ATP7B: variants seen among roughly 807,000 people sequenced by gnomAD.
The protein encoded by ATP7B is ATPase copper transporting beta.
ATP7B carries 113 observed loss-of-function variants against 118.9 expected under a neutral mutation model. The ratio of observed to expected loss-of-function variants is 0.95; its 90% CI spans 0.82 to 1.11. The LOEUF is 1.11. Ranked by LOEUF, ATP7B falls within the 50% of genes most tolerant of loss-of-function variation. ATP7B has a pLI of 0.00. For missense variants in ATP7B, 1,867 were observed against 1,871.4 expected (o/e 1.00, Z 0.04); for synonymous variants, 777 against 727.4 (o/e 1.07, Z -1.10).
chr13:51,936,742 G>A (rs1956989268), intron 19 of ATP7B, among the ~76,000 whole-genome samples: 2 of 152,100 alleles, frequency 1.3e-5, no homozygotes, highest in Non-Finnish European at 2.9e-5. Flanking sequence ...GCCCAGGTGA[G>A]TCTTGAACCC....
At chr13:51,944,052 G>A in intron 14 of ATP7B, 57 bp downstream of exon 14, 1 of 1,606,426 alleles carries the variant, frequency 6.2e-7, no homozygotes, top group Non-Finnish European at 8.5e-7. Context: ...AGAAGGACAT[G>A]GTGAGGAATA....
chr13:51,945,895 T>C (rs1258530050), intron 13 of ATP7B, among the ~76,000 whole-genome samples: 1 of 152,076 alleles, frequency 6.6e-6, no homozygotes, highest in Non-Finnish European at 1.5e-5. Flanking sequence ...CCACCACTAA[T>C]CCCACAGATG....
In ATP7B at chr13:51,960,188, A is replaced by C; in HGVS notation, c.2081T>G (p.Ile694Ser). Residue 694 changes from isoleucine (I) to serine (S), a missense_variant, in exon 7 of 21, where the codon ATT (isoleucine) becomes AGT (serine). Physicochemically the swap from Ile to Ser is moderately radical, Grantham distance 142. Coordinates refer to ENST00000242839, the MANE Select transcript of ATP7B (RefSeq NM_000053.4). ...CAAGATAAAGAAGATGAGATTTAGA[A>C]TGGACAGTCCTGGAATGATGTTGTG... ...LDHNIIPGLSILNLIFFILCT... is the reference protein window; with the variant it reads ...LDHNIIPGLSSLNLIFFILCT... 1 of 1,613,968 alleles carries C rather than the reference A, an allele frequency of 6.2e-7. No homozygotes were observed. Among genetic ancestry groups the C allele is most frequent in the Non-Finnish European group, 8.5e-7 (1 of 1,179,834 alleles).
At chr13:51,949,445 T>A (rs1467667243) in intron 12 of ATP7B, among the ~76,000 whole-genome samples, 1 of 152,186 alleles carries the variant, frequency 6.6e-6, no homozygotes, top group Non-Finnish European at 1.5e-5. Flanking sequence ...GAAAATTATC[T>A]AAGTAGAATG....
At chr13:51,958,113 C>T in intron 8 of ATP7B, 198 bp downstream of exon 8, 1 of 638,308 alleles carries the variant, frequency 1.6e-6, no homozygotes, top group South Asian at 2.0e-5. Flanking sequence ...AATAATTAAC[C>T]AGATTAGCTG....
chr13:51,972,829 G>A (rs766714435), intron 2 of ATP7B, among the ~76,000 whole-genome samples: 18 of 151,882 alleles, frequency 1.2e-4, no homozygotes, highest in Admixed American at 2.6e-4. Context: ...GCAACACTCC[G>A]TCTCTACAAA....
chr13:51,958,065 T>C, intron 8 of ATP7B: 1 of 551,422 alleles, frequency 1.8e-6, no homozygotes, highest in Non-Finnish European at 3.2e-6. Context: ...GAAGGCCAGG[T>C]TTCTTTAGTT....
At chr13:51,990,188 C>T (rs954594258) in intron 1 of ATP7B, among the ~76,000 whole-genome samples, 19 of 151,870 alleles carry the variant, frequency 1.3e-4, no homozygotes, top group Admixed American at 1.2e-3. Flanking sequence ...TAAGGAAAAA[C>T]AGTTCTTAAC....
intron 19 of ATP7B, 81 bp downstream of exon 19, chr13:51,937,195 C>G: frequency 1.4e-6 from 2 of 1,391,858 alleles, no homozygotes; most frequent in Non-Finnish European, 2.0e-6. Flanking sequence ...GTGAGTGAGC[C>G]ACTCACTAAC....
At chr13:52,003,828 T>A (rs547001512) in intron 1 of ATP7B, among the ~76,000 whole-genome samples, 2 of 152,332 alleles carry the variant, frequency 1.3e-5, no homozygotes, top group Admixed American at 1.3e-4. Context: ...CACCAGAGCT[T>A]CCGAGAGAAG....
rs547050961 is a variant in ATP7B, at chr13:51,963,119, G to A, written c.1870-1206C>T. Reference sequence around the variant, plus strand: ...AAAAAAAAAAGAAAGAAAGAAATCAGAAATGGTGACTAAGTTGTGTTCAAA... The same window carrying A: ...AAAAAAAAAAGAAAGAAAGAAATCAAAAATGGTGACTAAGTTGTGTTCAAA... On this transcript the variant is annotated intron_variant, in intron 5 of 20. Transcript: ENST00000242839. 2.0e-5 allele frequency among the ~76,000 whole-genome samples: 3 copies of A among 151,938 alleles called. No individual in the cohort carries two copies. In the East Asian group the frequency reaches 5.8e-4, roughly 29 times the overall value.
intron 16 of ATP7B, among the ~76,000 whole-genome samples, chr13:51,939,733 G>C (rs778964043): frequency 2.0e-5 from 3 of 152,168 alleles, no homozygotes; most frequent in Non-Finnish European, 4.4e-5. Context: ...ACATACGAGA[G>C]GGCACGACTC....
intron 5 of ATP7B, among the ~76,000 whole-genome samples, chr13:51,963,437 T>C (rs1958879557): frequency 6.6e-6 from 1 of 151,902 alleles, no homozygotes; most frequent in African/African-American, 2.4e-5. Flanking sequence ...CATTTCCATG[T>C]CAAAAAGCTT....
At chr13:51,995,336 G>A (rs1330833706) in intron 1 of ATP7B, 1 of 985,230 alleles carries the variant, frequency 1.0e-6, no homozygotes, top group Non-Finnish European at 1.2e-6. Context: ...CATTTCCCAG[G>A]TTCCATTCAA....
chr13:51,984,320 C>G (rs1952552906), intron 1 of ATP7B, among the ~76,000 whole-genome samples: 1 of 151,914 alleles, frequency 6.6e-6, no homozygotes, highest in Non-Finnish European at 1.5e-5. Flanking sequence ...ATATCAGCGA[C>G]TGAAGATCAA....
intron 1 of ATP7B, 72 bp downstream of exon 1, chr13:52,011,215 G>A (rs1418737216): frequency 2.5e-6 from 4 of 1,611,786 alleles, no homozygotes; most frequent in Non-Finnish European, 3.4e-6. Flanking sequence ...GCGAGTAAGC[G>A]CCGAACGCGG....
At position 51,958,664 on chromosome 13, in the gene ATP7B, C is replaced by T. The variant is rs1958521173; in HGVS notation, c.2122-120G>A. On this transcript the variant is annotated intron_variant, in intron 7 of 20. Transcript: ENST00000242839. ...AGCTTTGTGCACAGTCGTGACAGTACTTCTTCCTCTGTGATGGGCGTTTAT... is the reference window on the plus strand; with the variant it reads ...AGCTTTGTGCACAGTCGTGACAGTATTTCTTCCTCTGTGATGGGCGTTTAT... The T allele has an allele frequency of 3.6e-6, 3 of 829,758 alleles. No individual in the cohort carries two copies. The Admixed American group carries it at 6.1e-5, about 17-fold the overall frequency. 51.4% of individuals were successfully genotyped at this position (829,758 alleles called of 1,614,324 possible). A position where few individuals can be genotyped will look rare whatever the true frequency, so the allele number is the denominator to read the frequency against.
At chr13:51,936,621 C>G (rs1164849101) in intron 19 of ATP7B, among the ~76,000 whole-genome samples, 1 of 152,136 alleles carries the variant, frequency 6.6e-6, no homozygotes, top group African/African-American at 2.4e-5. Flanking sequence ...AACTCCTGGG[C>G]TCAATAAATC....
intron 13 of ATP7B, among the ~76,000 whole-genome samples, chr13:51,944,889 C>T (rs1957552726): frequency 6.6e-6 from 1 of 152,200 alleles, no homozygotes; most frequent in South Asian, 2.1e-4. Context: ...CATTCAGGTA[C>T]CTGCACTTCC....
Sources: allele counts gnomAD v4.1 joint callset (sites outside exome capture counted in the v4.1 genomes callset), GRCh38; gene constraint gnomAD v4.1.1; transcripts MANE v1.5; gene names NCBI Gene and HGNC (gene_info 2026-07-23, HGNC 2026-07-21).